Variants in THOC1 observed in about 807,000 individuals in gnomAD.
THOC1 encodes the protein THO complex subunit 1.
Under a neutral mutation model 97.3 loss-of-function variants are expected in THOC1, and 29 were observed. The observed-to-expected ratio is 0.30, with a 90% CI of 0.22 to 0.41. The LOEUF is 0.41. Ranked by LOEUF, THOC1 falls within the 10% of genes least tolerant of loss-of-function variation. The pLI, the probability that THOC1 is intolerant of heterozygous loss-of-function variation, is 1.00. For missense variants in THOC1, 529 were observed against 761.9 expected (o/e 0.69, Z 3.60); for synonymous variants, 255 against 257.0 (o/e 0.99, Z 0.07).
chr18:218,956 T>A lies in THOC1; in HGVS notation c.1384A>T (p.Thr462Ser). Reference protein sequence around the residue: ...CKSETREHMPTLEEFFEEAIE... With the variant: ...CKSETREHMPSLEEFFEEAIE... ...GCTTCTTCAAAGAATTCCTCCAAAG[T>A]GGGCATGTGTTCCCTGAGCGGTACA... is the stretch of plus-strand genomic sequence containing the variant. Residue 462 changes from threonine to serine, a missense_variant, in exon 18 of 21, where the codon ACT becomes TCT. Physicochemically the swap from Thr to Ser is moderately conservative, Grantham distance 58. This residue lies in a region of THOC1 where 123 missense variants were observed against 159.0 expected (regional missense o/e 0.77). Coordinates refer to ENST00000261600, the MANE Select transcript of THOC1 (RefSeq NM_005131.3). The A allele has an allele frequency of 6.2e-7, 1 of 1,602,884 alleles. No individual in the cohort carries two copies. Among genetic ancestry groups the A allele is most frequent in the Non-Finnish European group, 8.5e-7 (1 of 1,174,026 alleles).
intron 9 of THOC1, among the ~76,000 whole-genome samples, chr18:248,959 C>T (rs1348100599): frequency 6.6e-6 from 1 of 152,084 alleles, no homozygotes; most frequent in Non-Finnish European, 1.5e-5. Flanking sequence ...ACCGTGTTAT[C>T]CAGGATGGTC....
intron 11 of THOC1, among the ~76,000 whole-genome samples, chr18:229,972 A>C (rs1207899743): frequency 6.6e-6 from 1 of 152,130 alleles, no homozygotes; most frequent in Non-Finnish European, 1.5e-5. Flanking sequence ...ATTACCATTT[A>C]TAAACTGGTA....
In THOC1 at chr18:242,817, A is replaced by G. The variant is rs1340511393; in HGVS notation, c.918+3507T>C. On this transcript the variant is annotated intron_variant, in intron 11 of 20. Transcript: ENST00000261600. This position sits in a 1 kb window ranked among gnomAD's most constrained non-coding sequence, Gnocchi z 4.5. Reference sequence around the variant, plus strand: ...AACATCAGGCCCAAAACTGGCATATATTTAGGTGTGAAGGCCTTTTTGGGA... The same window carrying G: ...AACATCAGGCCCAAAACTGGCATATGTTTAGGTGTGAAGGCCTTTTTGGGA... Among the ~76,000 whole-genome samples, 1 of 152,190 alleles carries G rather than the reference A, an allele frequency of 6.6e-6. No individual in the cohort carries two copies. The highest frequency in any genetic ancestry group is 1.5e-5 in the Non-Finnish European group (1 of 68,028).
rs889924213 is a variant in THOC1, at chr18:227,414, C to T, written c.919-513G>A. ...GATACGGATAACAGCACAATATCAA[C>T]GGGGACCACTCATTTTTGTAGCCCT... On this transcript the variant is annotated intron_variant, in intron 11 of 20. Coordinates refer to ENST00000261600, the MANE Select transcript of THOC1 (RefSeq NM_005131.3). Among the ~76,000 whole-genome samples the T allele has an allele frequency of 1.3e-5, 2 of 152,022 alleles. 1 individual carries two copies. Among genetic ancestry groups the T allele is most frequent in the African/African-American group, 4.8e-5 (2 of 41,378 alleles).
At chr18:253,668 T>C (rs943352604) in intron 8 of THOC1, among the ~76,000 whole-genome samples, 2 of 152,206 alleles carry the variant, frequency 1.3e-5, no homozygotes, top group African/African-American at 4.8e-5. Context: ...ATCTATTCTA[T>C]AATCTACCTT....
chr18:262,033 C>A, intron 4 of THOC1, among the ~76,000 whole-genome samples: 1 of 152,152 alleles, frequency 6.6e-6, no homozygotes, highest in East Asian at 1.9e-4. Context: ...TCCCAAACAC[C>A]ATGCCATGTT....
chr18:248,019 TCTTAA>T lies in THOC1; in HGVS notation c.678-67_678-63del, dbSNP rs550821964. 5,979 of 1,126,678 alleles carry T rather than the reference TCTTAA, an allele frequency of 5.3e-3. 21 individuals carry two copies. The highest frequency in any genetic ancestry group is 6.9e-3 in the Non-Finnish European group (5,505 of 792,568). 69.8% of individuals were successfully genotyped at this position (1,126,678 alleles called of 1,614,324 possible). A position where few individuals can be genotyped will look rare whatever the true frequency, so the allele number is the denominator to read the frequency against. ...AATTCTTTTACAAATATCTAAATAT[TCTTAA>T]CTTAGCTTTGGTCACAAACCGTTTT... is the stretch of plus-strand genomic sequence containing the variant. On this transcript the variant is annotated intron_variant, in intron 9 of 20. Coordinates refer to ENST00000261600, the MANE Select transcript of THOC1 (RefSeq NM_005131.3).
At position 265,494 on chromosome 18, in the gene THOC1, T is replaced by A; in HGVS notation, c.91A>T (p.Lys31Ter). The stretch of plus-strand genomic sequence containing the variant: ...TGGCTGAAGGTACTTAACAATGGCT[T>A]GATGTTTTTGTTGTTCAAGGCCTCT... ...TREALNNKNI[K>*]PLLSTFSQVP... Residue 31 changes from lysine (K) to a stop codon, truncating the protein, a stop_gained, in exon 2 of 21, where the codon AAG becomes TAG. Transcript: ENST00000261600. LOFTEE classifies it high-confidence loss of function. 1 of 1,596,202 alleles carries A rather than the reference T, an allele frequency of 6.3e-7. No individual in the cohort carries two copies. Among genetic ancestry groups the A allele is most frequent in the Non-Finnish European group, 8.5e-7 (1 of 1,171,108 alleles).
intron 11 of THOC1, among the ~76,000 whole-genome samples, chr18:229,127 C>T (rs1911395167): frequency 6.6e-6 from 1 of 152,128 alleles, no homozygotes; most frequent in African/African-American, 2.4e-5. Flanking sequence ...AAAGGTATTC[C>T]ATCTGGATTA....
At chr18:216,314 T>G (rs943513343) in intron 19 of THOC1, 172 bp downstream of exon 19, 1 of 714,434 alleles carries the variant, frequency 1.4e-6, no homozygotes, top group East Asian at 2.6e-5. Context: ...TATCAACTCA[T>G]GTATTTCCTG....
intron 20 of THOC1, 37 bp downstream of exon 20, chr18:215,392 C>T (rs1189982601): frequency 6.5e-7 from 1 of 1,545,092 alleles, no homozygotes; most frequent in Non-Finnish European, 8.9e-7. Context: ...CAATCGTCTT[C>T]AATTTTGTTA....
At chr18:234,368 T>C (rs1302810051) in intron 11 of THOC1, among the ~76,000 whole-genome samples, 4 of 152,366 alleles carry the variant, frequency 2.6e-5, no homozygotes, top group Middle Eastern at 3.4e-3. Flanking sequence ...TTGGATTTAA[T>C]GGGAATACTT....
intron 12 of THOC1, chr18:226,549 C>T (rs968232013): frequency 8.5e-6 from 3 of 354,310 alleles, no homozygotes; most frequent in Non-Finnish European, 1.6e-5. Context: ...GAGACCTCCA[C>T]CTGCTAATAA....
intron 11 of THOC1, among the ~76,000 whole-genome samples, chr18:236,661 CG>C (rs1911711550): frequency 6.6e-6 from 1 of 151,988 alleles, no homozygotes; most frequent in African/African-American, 2.4e-5. Flanking sequence ...CCGCGCCCGG[CG>C]AAAGAATAAG....
rs577892412 is a variant in THOC1, at chr18:267,081, T to C, written c.54+885A>G. 7.2e-5 allele frequency among the ~76,000 whole-genome samples: 11 copies of C among 152,144 alleles called. No homozygotes were observed. The South Asian group carries it at 2.1e-3, about 29-fold the overall frequency. ...CTACTTACTACAAAGGATGAATTTT[T>C]CTTTCACACAATTTTCATCCTGGCA... On this transcript the variant is annotated intron_variant, in intron 1 of 20. Transcript: ENST00000261600.
At chr18:263,925 A>G (rs781338218) in intron 4 of THOC1, 101 bp downstream of exon 4, 2 of 914,366 alleles carry the variant, frequency 2.2e-6, no homozygotes, top group Admixed American at 2.9e-5. Context: ...TGAAGAATAA[A>G]CAAAATCAGA....
chr18:240,838 T>C (rs1012267959), intron 11 of THOC1, among the ~76,000 whole-genome samples: 1 of 152,108 alleles, frequency 6.6e-6, no homozygotes. Flanking sequence ...GTAGAATCAG[T>C]GGAAGCCCTG....
At chr18:253,522 CAT>C (rs1260649274) in intron 8 of THOC1, among the ~76,000 whole-genome samples, 2 of 152,136 alleles carry the variant, frequency 1.3e-5, no homozygotes, top group Non-Finnish European at 2.9e-5. Flanking sequence ...AGAAAAACAA[CAT>C]GTTTGTACAT....
In THOC1 at chr18:260,239, G is replaced by C; in HGVS notation, c.322C>G (p.Gln108Glu). The part of the protein sequence containing the change: ...GDVLDCLPLD[Q>E]CDTIFTFVEK... Reference sequence around the variant, plus strand: ...ACAAAAGTGAATATTGTGTCACACTGATCCAAAGGAAGACAATCCAAAACA... The same window carrying C: ...ACAAAAGTGAATATTGTGTCACACTCATCCAAAGGAAGACAATCCAAAACA... The change falls in exon 5 of 21, where the codon CAG (glutamine) becomes GAG (glutamate). Residue 108 changes from glutamine (Q) to glutamate (E), a missense_variant. Gln to Glu is a conservative substitution (Grantham distance 29, BLOSUM62 2). Coordinates refer to ENST00000261600, the MANE Select transcript of THOC1 (RefSeq NM_005131.3). 6.3e-7 allele frequency: 1 copy of C among 1,595,490 alleles called. No homozygotes were observed. The highest frequency in any genetic ancestry group is 8.5e-7 in the Non-Finnish European group (1 of 1,171,566).
Sources: allele counts gnomAD v4.1 joint callset (sites outside exome capture counted in the v4.1 genomes callset), GRCh38; gene constraint gnomAD v4.1.1; regional missense constraint gnomAD v4.1.1; non-coding constraint Gnocchi (gnomAD v3.1); transcripts MANE v1.5; gene names NCBI Gene and HGNC (gene_info 2026-07-23, HGNC 2026-07-21).